FGGY: variants seen among roughly 807,000 people sequenced by gnomAD.
The protein encoded by FGGY is FGGY carbohydrate kinase domain containing, also known as FGGY carbohydrate kinase domain-containing protein.
FGGY carries 72 observed loss-of-function variants against 71.3 expected under a neutral mutation model. The ratio of observed to expected loss-of-function variants is 1.01; its 90% CI spans 0.84 to 1.23. The LOEUF is 1.23. Among genes scored for constraint, FGGY ranks in the 50% most tolerant of loss-of-function variants. The pLI is 0.00. For missense variants in FGGY, 668 were observed against 682.3 expected (o/e 0.98, Z 0.23); for synonymous variants, 251 against 250.3 (o/e 1.00, Z -0.02).
Position 59,601,112 on chromosome 1 carries a change from G to A in FGGY, c.904-6691G>A, listed in dbSNP as rs570330147. ...GAGATGAGCCACCATGGAAATACCC[G>A]GTCCCACACATGCCTGTGGCTACCC... On this transcript the variant is annotated intron_variant, in intron 8 of 15. Coordinates refer to ENST00000303721, the MANE Select transcript of FGGY (RefSeq NM_018291.5). Among the ~76,000 whole-genome samples the A allele has an allele frequency of 9.2e-5, 14 of 151,478 alleles. No individual in the cohort carries two copies. The East Asian group carries it at 2.3e-3, about 25-fold the overall frequency.
chr1:59,721,505 A>T (rs2100643463), intron 14 of FGGY, among the ~76,000 whole-genome samples: 1 of 151,554 alleles, frequency 6.6e-6, no homozygotes, highest in East Asian at 2.0e-4. Flanking sequence ...CACCCGGCTA[A>T]TTTTGTATTT....
intron 14 of FGGY, among the ~76,000 whole-genome samples, chr1:59,682,034 AT>A (rs750928101): frequency 2.6e-5 from 4 of 152,246 alleles, no homozygotes; most frequent in Non-Finnish European, 4.4e-5. Context: ...AGTAGCATGT[AT>A]TTAATTGTAT....
At chr1:59,338,003 T>C (rs2049936544) in intron 2 of FGGY, among the ~76,000 whole-genome samples, 1 of 152,232 alleles carries the variant, frequency 6.6e-6, no homozygotes, top group Non-Finnish European at 1.5e-5. Context: ...TAGATGCTCC[T>C]TATCAGGTTG....
chr1:59,595,547 G>A lies in FGGY; in HGVS notation c.904-12256G>A, dbSNP rs982915913. Among the ~76,000 whole-genome samples, 7 of 151,964 alleles carry A rather than the reference G, an allele frequency of 4.6e-5. 1 individual carries two copies. The highest frequency in any genetic ancestry group is 4.1e-4 in the South Asian group (2 of 4,824). ...CTACTGAAAATACAAAAAATTAGCCGGGCTTGGTGGTGAGCAACTGCAGTC... is the reference window on the plus strand; with the variant it reads ...CTACTGAAAATACAAAAAATTAGCCAGGCTTGGTGGTGAGCAACTGCAGTC... On this transcript the variant is annotated intron_variant, in intron 8 of 15. Coordinates refer to ENST00000303721, the MANE Select transcript of FGGY (RefSeq NM_018291.5).
chr1:59,342,388 A>C (rs190454988), intron 3 of FGGY, among the ~76,000 whole-genome samples: 3 of 152,282 alleles, frequency 2.0e-5, no homozygotes, highest in African/African-American at 7.2e-5. Context: ...CCCTCTTTGG[A>C]TGCTATTTTT....
chr1:59,465,328 A>G (rs2092549930), intron 6 of FGGY, among the ~76,000 whole-genome samples: 1 of 152,268 alleles, frequency 6.6e-6, no homozygotes, highest in South Asian at 2.1e-4. Flanking sequence ...CTAAAAACTT[A>G]ATAAACTAGG....
At chr1:59,516,824 C>T (rs767904596) in intron 7 of FGGY, among the ~76,000 whole-genome samples, 13 of 152,122 alleles carry the variant, frequency 8.5e-5, no homozygotes, top group Non-Finnish European at 1.8e-4. Flanking sequence ...TGCTTGAAAC[C>T]CCACATTCTG....
chr1:59,732,193 T>C (rs900859728), intron 14 of FGGY, among the ~76,000 whole-genome samples: 1 of 152,182 alleles, frequency 6.6e-6, no homozygotes, highest in Non-Finnish European at 1.5e-5. Context: ...GAGGCAGAGC[T>C]GTCCCATTTG....
chr1:59,584,066 G>A (rs1360884601), intron 8 of FGGY, among the ~76,000 whole-genome samples: 1 of 149,670 alleles, frequency 6.7e-6, no homozygotes, highest in Non-Finnish European at 1.5e-5. Flanking sequence ...TGGATTCACA[G>A]CCGAATTCTA....
At chr1:59,589,503 C>G (rs2096383822) in intron 8 of FGGY, among the ~76,000 whole-genome samples, 2 of 152,148 alleles carry the variant, frequency 1.3e-5, no homozygotes, top group Non-Finnish European at 2.9e-5. Context: ...AGCACCACAC[C>G]ACACCTATTC....
chr1:59,642,366 C>A (rs1478652825), intron 11 of FGGY, among the ~76,000 whole-genome samples: 1 of 152,200 alleles, frequency 6.6e-6, no homozygotes, highest in Non-Finnish European at 1.5e-5. Context: ...GTGGCTCACG[C>A]CTGTAATCCC....
Position 59,720,139 on chromosome 1 carries a change from T to C in FGGY, c.1513-37792T>C, listed in dbSNP as rs190731011. 3.3e-5 allele frequency among the ~76,000 whole-genome samples: 5 copies of C among 152,314 alleles called. No homozygotes were observed. The East Asian group carries it at 9.6e-4, about 29-fold the overall frequency. On this transcript the variant is annotated intron_variant, in intron 14 of 15. Transcript: ENST00000303721. The stretch of plus-strand genomic sequence containing the variant: ...CTGATTACTGGGGATTTCATCATCA[T>C]TCAGGATACCTTCTCTCATTATGTG...
intron 6 of FGGY, among the ~76,000 whole-genome samples, chr1:59,478,554 ATAAG>A (rs1326615226): frequency 2.0e-5 from 3 of 152,256 alleles, no homozygotes; most frequent in African/African-American, 7.2e-5. Flanking sequence ...AAATGAATGA[ATAAG>A]TAAGCATTAG....
At chr1:59,338,110 A>G (rs1251235323) in intron 2 of FGGY, among the ~76,000 whole-genome samples, 1 of 152,040 alleles carries the variant, frequency 6.6e-6, no homozygotes, top group East Asian at 1.9e-4. Context: ...TGGTGTTTGT[A>G]CTTTGTTCTG....
chr1:59,531,161 G>C (rs1053876461), intron 7 of FGGY, among the ~76,000 whole-genome samples: 1 of 152,216 alleles, frequency 6.6e-6, no homozygotes, highest in Non-Finnish European at 1.5e-5. Context: ...CAGGAGGATT[G>C]AGTGTAAGTC....
intron 5 of FGGY, among the ~76,000 whole-genome samples, chr1:59,403,083 T>C (rs891622662): frequency 6.6e-6 from 1 of 152,134 alleles, no homozygotes. Context: ...TTAAAGGTTA[T>C]AGAGTTGTGG....
At chr1:59,535,301 A>C (rs2153672457) in intron 7 of FGGY, among the ~76,000 whole-genome samples, 1 of 152,292 alleles carries the variant, frequency 6.6e-6, no homozygotes, top group Non-Finnish European at 1.5e-5. Flanking sequence ...ATATATGTGC[A>C]CCCAATACAG....
At chr1:59,477,881 T>C (rs2093330293) in intron 6 of FGGY, among the ~76,000 whole-genome samples, 1 of 152,182 alleles carries the variant, frequency 6.6e-6, no homozygotes, top group Admixed American at 6.5e-5. Flanking sequence ...GTTGTTCTGT[T>C]ATGGATATTG....
chr1:59,355,268 G>A (rs1422723307), intron 4 of FGGY, among the ~76,000 whole-genome samples: 5 of 152,014 alleles, frequency 3.3e-5, no homozygotes, highest in Admixed American at 2.6e-4. Context: ...TGTGCACAAC[G>A]TGCAGGTTTG....
Sources: allele counts gnomAD v4.1 joint callset (sites outside exome capture counted in the v4.1 genomes callset), GRCh38; gene constraint gnomAD v4.1.1; transcripts MANE v1.5; gene names NCBI Gene and HGNC (gene_info 2026-07-23, HGNC 2026-07-21).